The following REV3L variants were observed in gnomAD, a reference collection of about 807,000 sequenced individuals.
The protein encoded by REV3L is REV3 like, DNA directed polymerase zeta catalytic subunit.
Under a neutral mutation model 299.4 loss-of-function variants are expected in REV3L, and 69 were observed. The observed-to-expected ratio is 0.23, with a 90% confidence interval of 0.19 to 0.28. The LOEUF is 0.28. Among genes scored for constraint, REV3L ranks in the 10% least tolerant of loss-of-function variants. The probability of loss-of-function intolerance (pLI) is 1.00; values close to 1 mark genes in which losing one functional copy is unlikely to be tolerated. For missense variants in REV3L, 3,128 were observed against 3,693.8 expected (o/e 0.85, Z 3.97); for synonymous variants, 1,238 against 1,271.4 (o/e 0.97, Z 0.56).
At chr6:111,465,745 C>CAAAAAAAAAAAAAAAA (rs376561912) in intron 1 of REV3L, among the ~76,000 whole-genome samples, 7 of 76,820 alleles carry the variant, frequency 9.1e-5, no homozygotes, top group African/African-American at 2.1e-4. Context: ...AAACAAAAAC[C>CAAAAAAAAAAAAAAAA]AAAAAAAAAA....
At chr6:111,401,948 C>CA (rs921146247) in intron 4 of REV3L, among the ~76,000 whole-genome samples, 8 of 151,284 alleles carry the variant, frequency 5.3e-5, no homozygotes, top group South Asian at 2.1e-4. Flanking sequence ...CCTATCTCTA[C>CA]AAAAAAAATA....
At chr6:111,425,748 G>A (rs774364658) in intron 1 of REV3L, among the ~76,000 whole-genome samples, 19 of 151,912 alleles carry the variant, frequency 1.3e-4, no homozygotes, top group Non-Finnish European at 2.4e-4. Flanking sequence ...AAGATTTTAA[G>A]CCAGCTATTT....
In REV3L at chr6:111,309,837, T is replaced by C; in HGVS notation, c.9042+16A>G. The C allele has an allele frequency of 2.5e-6, 4 of 1,611,118 alleles. No individual in the cohort carries two copies. The Middle Eastern group carries it at 5.0e-4, about 201-fold the overall frequency. On this transcript the variant is annotated intron_variant, in intron 30 of 31. Coordinates refer to ENST00000368802, the MANE Select transcript of REV3L (RefSeq NM_001372078.1). ...CTCTCCATAGTTAGAGCACATGTACTATTTGGTAAGCTTACCCTTGGTAAT... is the reference window on the plus strand; with the variant it reads ...CTCTCCATAGTTAGAGCACATGTACCATTTGGTAAGCTTACCCTTGGTAAT...
At chr6:111,433,360 TA>T (rs1459861506) in intron 1 of REV3L, among the ~76,000 whole-genome samples, 1 of 151,412 alleles carries the variant, frequency 6.6e-6, no homozygotes, top group Non-Finnish European at 1.5e-5. Flanking sequence ...AAAGAGGAGA[TA>T]AAACAACTGA....
chr6:111,367,833 C>T lies in REV3L; in HGVS notation c.5955G>A (p.Lys1985=). 3 of 1,614,150 alleles carry T rather than the reference C, an allele frequency of 1.9e-6. No homozygotes were observed. Among genetic ancestry groups the T allele is most frequent in the South Asian group, 1.1e-5 (1 of 91,084 alleles). ...VVNKGSSNSP[K]MVEDKKIVIM... ...TCACAATTTTTTTATCTTCAACCAT[C>T]TTAGGGCTATTACTTGACCCTTTAT... is the stretch of plus-strand genomic sequence containing the variant. Residue 1985 remains lysine (K), a synonymous_variant, in exon 14 of 32, where the codon AAG becomes AAA. Coordinates refer to ENST00000368802, the MANE Select transcript of REV3L (RefSeq NM_001372078.1).
intron 1 of REV3L, among the ~76,000 whole-genome samples, chr6:111,478,828 A>C (rs1274520505): frequency 6.6e-6 from 1 of 152,214 alleles, no homozygotes; most frequent in Non-Finnish European, 1.5e-5. Flanking sequence ...TCACTAAGCT[A>C]GAGGAAGTGG....
Position 111,311,245 on chromosome 6 carries a change from A to C in REV3L, c.8619T>G (p.Ser2873=). 5 of 1,606,660 alleles carry C rather than the reference A, an allele frequency of 3.1e-6. No individual in the cohort carries two copies. In the South Asian group the frequency reaches 5.6e-5, roughly 18 times the overall value. ...CPAVSKILER[S]LKLLFETRDI... ...CTCTCGTTTCAAATAGCAGCTTTAG[A>C]GAACGCTCAAGTATCTTAAAACAAA... The change falls in exon 29 of 32, where the codon TCT becomes TCG. Residue 2873 remains serine (S), a synonymous_variant. Coordinates refer to ENST00000368802, the MANE Select transcript of REV3L (RefSeq NM_001372078.1).
chr6:111,417,244 T>A (rs1484231643), intron 1 of REV3L, among the ~76,000 whole-genome samples: 2 of 151,942 alleles, frequency 1.3e-5, no homozygotes, highest in East Asian at 1.9e-4. Context: ...GTAATTTGAG[T>A]GAGAACCCAC....
chr6:111,416,109 ACT>A (rs1402992081), intron 2 of REV3L, among the ~76,000 whole-genome samples, 172 bp downstream of exon 2: 1 of 152,158 alleles, frequency 6.6e-6, no homozygotes, highest in Non-Finnish European at 1.5e-5. Flanking sequence ...ATCACTGTTG[ACT>A]CTCTACCTTT....
chr6:111,430,138 T>C, intron 1 of REV3L: 1 of 786,150 alleles, frequency 1.3e-6, no homozygotes, highest in Admixed American at 1.7e-5. Context: ...GAAAAAGACC[T>C]CCAGTGTCAC....
chr6:111,403,899 T>TAC (rs1439017801), intron 4 of REV3L, among the ~76,000 whole-genome samples: 1 of 152,220 alleles, frequency 6.6e-6, no homozygotes, highest in Non-Finnish European at 1.5e-5. Context: ...TTAACAGTGC[T>TAC]ACTCCAATGG....
chr6:111,322,834 T>C (rs1473179795), intron 25 of REV3L, among the ~76,000 whole-genome samples, 156 bp from the exon 26 acceptor site: 1 of 152,202 alleles, frequency 6.6e-6, no homozygotes, highest in African/African-American at 2.4e-5. Context: ...GTATCATCAT[T>C]CTTTCTACAA....
chr6:111,326,608 C>T (rs1774845090), intron 25 of REV3L, among the ~76,000 whole-genome samples: 1 of 148,086 alleles, frequency 6.8e-6, no homozygotes, highest in Admixed American at 6.8e-5. Context: ...GGTATATACC[C>T]CCCCCAAAAA....
intron 4 of REV3L, among the ~76,000 whole-genome samples, chr6:111,404,902 T>C (rs372854405): frequency 6.6e-6 from 1 of 151,674 alleles, no homozygotes; most frequent in Non-Finnish European, 1.5e-5. Flanking sequence ...TGGACAAGGA[T>C]GTTCAGTGGT....
At chr6:111,321,004 T>C (rs1423386687) in intron 26 of REV3L, among the ~76,000 whole-genome samples, 1 of 152,182 alleles carries the variant, frequency 6.6e-6, no homozygotes, top group East Asian at 1.9e-4. Flanking sequence ...TTTAATGACA[T>C]TGCAAGTAAA....
intron 1 of REV3L, among the ~76,000 whole-genome samples, chr6:111,433,739 G>A (rs1179278280): frequency 6.6e-6 from 1 of 151,980 alleles, no homozygotes; most frequent in African/African-American, 2.4e-5. Flanking sequence ...ACCAGACAAG[G>A]ACACAACCAA....
chr6:111,319,262 A>G (rs533684769), intron 26 of REV3L, among the ~76,000 whole-genome samples: 2 of 152,222 alleles, frequency 1.3e-5, no homozygotes, highest in East Asian at 3.9e-4. Flanking sequence ...GGAGTTCAAG[A>G]CCAGCCTGGC....
intron 2 of REV3L, chr6:111,412,187 C>T (rs1784318545): frequency 1.0e-6 from 1 of 985,172 alleles, no homozygotes; most frequent in African/African-American, 1.7e-5. Flanking sequence ...ATATCAAGTG[C>T]ATCCTGTGAA....
At position 111,374,551 on chromosome 6, in the gene REV3L, T is replaced by C. The variant is rs778140535; in HGVS notation, c.3804A>G (p.Pro1268=). 1.8e-5 allele frequency: 29 copies of C among 1,613,938 alleles called. No homozygotes were observed. In the Admixed American group the frequency reaches 4.7e-4, roughly 26 times the overall value. The stretch of plus-strand genomic sequence containing the variant: ...GATGATCTACAGCAGAGCCCATTAG[T>C]GGCATATCTTTCTGTTTAAAAAGTA... ...SQLLFKQKDM[P]LMGSAVDHPL... is the part of the protein sequence containing the mutation. The change falls in exon 13 of 32, where the codon CCA becomes CCG. Residue 1268 remains proline, a synonymous_variant. Coordinates refer to ENST00000368802, the MANE Select transcript of REV3L (RefSeq NM_001372078.1).
Sources: allele counts gnomAD v4.1 joint callset (sites outside exome capture counted in the v4.1 genomes callset), GRCh38; gene constraint gnomAD v4.1.1; transcripts MANE v1.5; gene names NCBI Gene and HGNC (gene_info 2026-07-23, HGNC 2026-07-21).